Variants in IKZF2 observed in about 807,000 individuals in gnomAD.
IKZF2 encodes zinc finger protein Helios.
In IKZF2, 15 loss-of-function variants were observed where a neutral mutation model predicts 49.2. The observed-to-expected ratio is 0.30, with a 90% CI of 0.20 to 0.47. The LOEUF (loss-of-function observed/expected upper bound fraction) is 0.47, where lower values mean the gene tolerates loss of function less well. Ranked by LOEUF, IKZF2 falls within the 20% of genes least tolerant of loss-of-function variation. The pLI is 1.00. For synonymous variants in IKZF2, 227 were observed against 221.4 expected, an observed-to-expected ratio of 1.03 and a Z score of -0.23; for missense variants, 567 against 664.6, an observed-to-expected ratio of 0.85 and a Z score of 1.61.
intron 4 of IKZF2, among the ~76,000 whole-genome samples, chr2:213,132,158 G>GAA (rs2060494803): frequency 6.6e-6 from 1 of 152,020 alleles, no homozygotes; most frequent in Non-Finnish European, 1.5e-5. Context: ...TATCCCAGTC[G>GAA]GTTAGGTGCT....
At chr2:213,124,241 C>CGT (rs1491478259) in intron 4 of IKZF2, among the ~76,000 whole-genome samples, 18 of 68,988 alleles carry the variant, frequency 2.6e-4, no homozygotes, top group Non-Finnish European at 4.4e-4. Context: ...CACATGCGCT[C>CGT]GCGCGCGCGC....
At chr2:213,043,283 T>C (rs1465627990) in intron 6 of IKZF2, among the ~76,000 whole-genome samples, 1 of 152,194 alleles carries the variant, frequency 6.6e-6, no homozygotes, top group African/African-American at 2.4e-5. Context: ...CTGTAACATC[T>C]ATCACAGTAA....
chr2:213,011,768 C>T (rs1253583160), intron 8 of IKZF2, among the ~76,000 whole-genome samples: 1 of 145,544 alleles, frequency 6.9e-6, no homozygotes, highest in Non-Finnish European at 1.5e-5. Flanking sequence ...GCCAACTCAT[C>T]AGCCTGTGGA....
At chr2:213,033,234 T>C (rs888791359) in intron 6 of IKZF2, among the ~76,000 whole-genome samples, 29 of 152,218 alleles carry the variant, frequency 1.9e-4, no homozygotes, top group African/African-American at 5.5e-4. Flanking sequence ...GCTGTTTCTA[T>C]CACATCTGCA....
chr2:213,082,325 A>G (rs1449590676), intron 4 of IKZF2, among the ~76,000 whole-genome samples: 1 of 152,250 alleles, frequency 6.6e-6, no homozygotes, highest in Non-Finnish European at 1.5e-5. Context: ...TAAGGAAATA[A>G]AACAGCTATC....
At chr2:213,107,318 T>G (rs2059566733) in intron 4 of IKZF2, among the ~76,000 whole-genome samples, 1 of 152,212 alleles carries the variant, frequency 6.6e-6, no homozygotes, top group Non-Finnish European at 1.5e-5. Flanking sequence ...TTATCACATT[T>G]ATGTCAACAA....
At chr2:213,149,368 T>A (rs1233820219) in intron 2 of IKZF2, among the ~76,000 whole-genome samples, 1 of 151,688 alleles carries the variant, frequency 6.6e-6, no homozygotes, top group East Asian at 1.9e-4. Context: ...AAAAAAACTT[T>A]GGGCAATTAT....
intron 4 of IKZF2, among the ~76,000 whole-genome samples, chr2:213,125,189 A>G (rs1045490253): frequency 6.6e-6 from 1 of 152,218 alleles, no homozygotes; most frequent in Admixed American, 6.5e-5. Flanking sequence ...AGAGTGTATA[A>G]CATTTGAAAA....
At chr2:213,101,006 G>T (rs1018998873) in intron 4 of IKZF2, among the ~76,000 whole-genome samples, 6 of 151,492 alleles carry the variant, frequency 4.0e-5, no homozygotes, top group African/African-American at 1.2e-4. Context: ...ACCCTACTTG[G>T]GCTGCCATGG....
chr2:213,037,820 G>A (rs1358507210), intron 6 of IKZF2, among the ~76,000 whole-genome samples: 1 of 152,048 alleles, frequency 6.6e-6, no homozygotes, highest in Non-Finnish European at 1.5e-5. Context: ...CTAAGGGTAG[G>A]GAAAGTTCAC....
rs745807757 is a variant in IKZF2, at chr2:213,002,136, C to T, written c.*5224G>A. On this transcript the variant is annotated 3_prime_UTR_variant, in exon 9 of 9. Transcript: ENST00000434687. The stretch of plus-strand genomic sequence containing the variant: ...AACTTATATGCTGTACTTTATGTGA[C>T]TTAGCAGAGGGCCTTTAACTTTTAT... 6.6e-6 allele frequency: 1 copy of T among 151,420 alleles called. No homozygotes were observed. The highest frequency in any genetic ancestry group is 1.5e-5 in the Non-Finnish European group (1 of 67,530). The allele number at this position is 151,420 out of a possible 1,614,324, so 9.4% of individuals were successfully genotyped here.
rs148428434 is a variant in IKZF2, at chr2:213,084,811, C to CAACT, written c.140-27716_140-27713dup. ...ACCTTTAGAGCCCATCACATACTTACAACTCTCTTTGCTCATGTAGTATCC... is the reference window on the plus strand; with the variant it reads ...ACCTTTAGAGCCCATCACATACTTACAACTAACTCTCTTTGCTCATGTAGTATCC... On this transcript the variant is annotated intron_variant, in intron 4 of 8. Coordinates refer to ENST00000434687, the MANE Select transcript of IKZF2 (RefSeq NM_001387220.1). Among the ~76,000 whole-genome samples, 879 of 152,282 alleles carry CAACT rather than the reference C, an allele frequency of 5.8e-3. 10 individuals are homozygous for CAACT. Among genetic ancestry groups the CAACT allele is most frequent in the African/African-American group, 0.02 (846 of 41,572 alleles).
chr2:213,038,377 T>A (rs764470365), intron 6 of IKZF2, among the ~76,000 whole-genome samples: 7 of 152,142 alleles, frequency 4.6e-5, no homozygotes, highest in Non-Finnish European at 7.4e-5. Flanking sequence ...TTTAAAATAA[T>A]GTAAATAGGA....
At chr2:213,049,664 C>T in intron 6 of IKZF2, 49 bp downstream of exon 6, 1 of 1,434,258 alleles carries the variant, frequency 7.0e-7, no homozygotes, top group Non-Finnish European at 9.4e-7. Context: ...TAGTACTCTT[C>T]TAAGTTTTCC....
rs145904218 is a variant in IKZF2 at position 213,041,680 on chromosome 2, T to G, written c.574+8033A>C. ...TTATTTGTCTCCCCTTTCCCTCTTC[T>G]CCTTCCCCTTCTTAAAATGTCATTT... On this transcript the variant is annotated intron_variant, in intron 6 of 8. Transcript: ENST00000434687. Among the ~76,000 whole-genome samples the G allele has an allele frequency of 2.4e-3, 369 of 152,280 alleles. 4 individuals carry two copies. The highest frequency in any genetic ancestry group is 0.014 in the Admixed American group (220 of 15,298).
chr2:213,027,010 A>G (rs998941100), intron 6 of IKZF2, among the ~76,000 whole-genome samples: 1 of 152,262 alleles, frequency 6.6e-6, no homozygotes, highest in African/African-American at 2.4e-5. Flanking sequence ...GCATTTAATG[A>G]AATACATAGT....
intron 4 of IKZF2, among the ~76,000 whole-genome samples, chr2:213,102,280 G>T (rs140930933): frequency 1.6e-3 from 237 of 152,194 alleles, no homozygotes; most frequent in Middle Eastern, 6.8e-3. Context: ...AGTTGTCAGG[G>T]TATCTGTTTG....
intron 6 of IKZF2, among the ~76,000 whole-genome samples, chr2:213,026,555 T>C (rs1346660373): frequency 6.6e-6 from 1 of 152,142 alleles, no homozygotes; most frequent in African/African-American, 2.4e-5. Context: ...ACTCTTTAAA[T>C]AGCTTTTTCT....
intron 4 of IKZF2, among the ~76,000 whole-genome samples, chr2:213,067,348 A>G (rs1428414987): frequency 6.6e-6 from 1 of 152,038 alleles, no homozygotes; most frequent in Admixed American, 6.6e-5. Flanking sequence ...ATGGCATGTA[A>G]AATAGTACTA....
Sources: allele counts gnomAD v4.1 joint callset (sites outside exome capture counted in the v4.1 genomes callset), GRCh38; gene constraint gnomAD v4.1.1; transcripts MANE v1.5; gene names NCBI Gene and HGNC (gene_info 2026-07-23, HGNC 2026-07-21).